The following TMC5 variants were observed in gnomAD, a reference collection of about 807,000 sequenced individuals.
TMC5 encodes the protein transmembrane channel-like protein 5.
In TMC5, 86 loss-of-function variants were observed where a neutral mutation model predicts 110.5. That is an observed-to-expected ratio of 0.78 (90% CI 0.65 to 0.93). TMC5 has a LOEUF of 0.93. Ranked by LOEUF, TMC5 falls within the 40% of genes least tolerant of loss-of-function variation. The probability of loss-of-function intolerance (pLI) is 0.00; values close to 1 mark genes in which losing one functional copy is unlikely to be tolerated. For missense variants in TMC5, 1,144 were observed against 1,222.8 expected (o/e 0.94, Z 0.96); for synonymous variants, 455 against 439.5 (o/e 1.04, Z -0.44).
rs960699442 is a variant in TMC5 at position 19,463,774 on chromosome 16, A to G, written c.1237-2A>G. The G allele has an allele frequency of 6.2e-7, 1 of 1,613,282 alleles. No homozygotes were observed. The highest frequency in any genetic ancestry group is 1.3e-5 in the African/African-American group (1 of 74,986). ...CACACCTGCTTTGAATCCTGATTCC[A>G]GGCTTATCGGAGATCCAAGAACAGC... On this transcript the variant is annotated splice_acceptor_variant, in intron 7 of 21. Transcript: ENST00000542583. LOFTEE classifies it high-confidence loss of function.
intron 5 of TMC5, 82 bp downstream of exon 5, chr16:19,449,713 G>T (rs780115848): frequency 1.3e-5 from 17 of 1,266,152 alleles, no homozygotes; most frequent in Non-Finnish European, 2.0e-5. Context: ...GAGAGACCTG[G>T]TGGGAGGTGA....
Position 19,469,826 on chromosome 16 carries a change from G to A in TMC5, c.1782+1G>A. ...GAAGAATCTTAGCACTGAGATAAGG[G>A]TAAGGCGAGCTCACTTTACTCATTT... On this transcript the variant is annotated splice_donor_variant, in intron 10 of 21. Transcript: ENST00000542583. LOFTEE classifies it high-confidence loss of function. The A allele has an allele frequency of 1.2e-6, 2 of 1,613,856 alleles. No homozygotes were observed. Among genetic ancestry groups the A allele is most frequent in the South Asian group, 1.1e-5 (1 of 91,064 alleles).
At chr16:19,438,404 A>AG (rs1427961209) in intron 2 of TMC5, among the ~76,000 whole-genome samples, 1 of 136,030 alleles carries the variant, frequency 7.4e-6, no homozygotes, top group African/African-American at 2.8e-5. Flanking sequence ...AAAAAAAAAA[A>AG]AAAAGAAGAA....
intron 2 of TMC5, among the ~76,000 whole-genome samples, chr16:19,432,661 G>C (rs1967218519): frequency 6.6e-6 from 1 of 152,126 alleles, no homozygotes; most frequent in Non-Finnish European, 1.5e-5. Context: ...GTTTGTTTAG[G>C]TATTTGTTGC....
intron 7 of TMC5, 21 bp from the exon 8 acceptor site, chr16:19,463,755 T>G: frequency 1.2e-6 from 2 of 1,610,534 alleles, no homozygotes; most frequent in Non-Finnish European, 1.7e-6. Flanking sequence ...AAGCCACACC[T>G]GCTTTGAATC....
chr16:19,477,608 C>T (rs949241306), intron 13 of TMC5, 90 bp downstream of exon 13: 13 of 875,652 alleles, frequency 1.5e-5, no homozygotes, highest in African/African-American at 5.1e-5. Flanking sequence ...CATCACACTC[C>T]GTATTTGGTA....
At chr16:19,427,922 A>G (rs1567297810) in intron 1 of TMC5, among the ~76,000 whole-genome samples, 1 of 152,230 alleles carries the variant, frequency 6.6e-6, no homozygotes, top group Non-Finnish European at 1.5e-5. Flanking sequence ...CAGCCCCTGA[A>G]TGCAAACATT....
At chr16:19,415,582 T>C (rs1219589827), upstream of TMC5, among the ~76,000 whole-genome samples, 1 of 152,162 alleles carries the variant, frequency 6.6e-6, no homozygotes, top group African/African-American at 2.4e-5. Context: ...AATCCTGACT[T>C]ATAGCTACAA....
intron 10 of TMC5, 127 bp from the exon 11 acceptor site, chr16:19,471,961 A>G (rs534098357): frequency 1.5e-4 from 131 of 902,100 alleles, no homozygotes; most frequent in Non-Finnish European, 2.0e-4. Context: ...GGGTTTCACC[A>G]TGTTGTCCAG....
intron 10 of TMC5, among the ~76,000 whole-genome samples, chr16:19,470,951 G>A (rs534139181): frequency 1.1e-4 from 16 of 152,072 alleles, no homozygotes; most frequent in African/African-American, 2.2e-4. Context: ...CTGGAGAATC[G>A]CTTGAACCCA....
upstream of TMC5, among the ~76,000 whole-genome samples, chr16:19,415,413 G>A (rs184963969): frequency 3.3e-5 from 5 of 152,226 alleles, no homozygotes; most frequent in East Asian, 7.7e-4. Context: ...TTTGGTTGTC[G>A]TAGCTTGCAG....
At chr16:19,492,695 C>G (rs1968937762) in intron 19 of TMC5, among the ~76,000 whole-genome samples, 2 of 151,584 alleles carry the variant, frequency 1.3e-5, no homozygotes, top group Non-Finnish European at 2.9e-5. Context: ...ATCCACCTGC[C>G]TCCCAAAGTG....
intron 9 of TMC5, among the ~76,000 whole-genome samples, chr16:19,466,651 C>T (rs994783336): frequency 2.0e-5 from 3 of 152,180 alleles, no homozygotes; most frequent in African/African-American, 7.2e-5. Flanking sequence ...CGTGCCCAGC[C>T]TGCAGTTTTG....
At chr16:19,416,116 C>CA (rs1337865013), upstream of TMC5, among the ~76,000 whole-genome samples, 2 of 151,308 alleles carry the variant, frequency 1.3e-5, no homozygotes, top group Admixed American at 6.6e-5. Context: ...GCCCAACAGT[C>CA]AGAGGCTGCA....
At chr16:19,456,697 G>C in intron 5 of TMC5, 1 of 1,598,834 alleles carries the variant, frequency 6.3e-7, no homozygotes, top group Non-Finnish European at 8.5e-7. Context: ...AGGCTTGCAG[G>C]AGGCAGGAGA....
Position 19,426,489 on chromosome 16 carries a change from C to T in TMC5, c.-307-3924C>T, listed in dbSNP as rs144693548. Among the ~76,000 whole-genome samples, 902 of 152,230 alleles carry T rather than the reference C, an allele frequency of 5.9e-3. 7 individuals are homozygous for T. Among genetic ancestry groups the T allele is most frequent in the African/African-American group, 0.021 (867 of 41,536 alleles). ...CAGGTTTCTGTAGCCTACGGGTCTC[C>T]AGTAAGCAGCATCCTTTCTTGTTGG... On this transcript the variant is annotated intron_variant, in intron 1 of 21. Coordinates refer to ENST00000542583, the MANE Select transcript of TMC5 (RefSeq NM_001261841.2).
intron 5 of TMC5, among the ~76,000 whole-genome samples, chr16:19,456,193 C>T (rs1214052726): frequency 6.7e-6 from 1 of 149,004 alleles, no homozygotes; most frequent in Non-Finnish European, 1.5e-5. Context: ...GGTGACATAG[C>T]GAGACTCCAT....
intron 2 of TMC5, among the ~76,000 whole-genome samples, chr16:19,434,501 G>GATATAT (rs1160899052): frequency 0.03 from 2,817 of 93,366 alleles, 139 homozygotes; most frequent in African/African-American, 0.072. Context: ...GATATAGAGA[G>GATATAT]AGAGAGAGAT....
chr16:19,423,762 A>G (rs1315567249), intron 1 of TMC5, among the ~76,000 whole-genome samples: 1 of 151,734 alleles, frequency 6.6e-6, no homozygotes, highest in Non-Finnish European at 1.5e-5. Context: ...TATTATTATT[A>G]TTATTTTGAG....
Sources: gnomAD v4.1 joint callset for allele counts (sites outside exome capture counted in the v4.1 genomes callset) on GRCh38, gnomAD v4.1.1 for gene constraint, MANE v1.5 for transcripts, NCBI Gene and HGNC (gene_info 2026-07-23, HGNC 2026-07-21) for gene names.